PDCD11: variants seen among roughly 807,000 people sequenced by gnomAD.
PDCD11 encodes protein RRP5 homolog.
A neutral mutation model predicts 198.9 loss-of-function variants in PDCD11; 97 were observed. That is an observed-to-expected ratio of 0.49 (90% confidence interval 0.41 to 0.58). PDCD11 has a LOEUF of 0.58. Among genes scored for constraint, PDCD11 ranks in the 20% least tolerant of loss-of-function variants. PDCD11 has a pLI of 0.00. For missense variants in PDCD11, 2,102 were observed against 2,312.7 expected (o/e 0.91, Z 1.87); for synonymous variants, 893 against 918.0 (o/e 0.97, Z 0.49).
intron 25 of PDCD11, among the ~76,000 whole-genome samples, chr10:103,435,879 T>G (rs1195164296): frequency 6.6e-6 from 1 of 152,188 alleles, no homozygotes; most frequent in East Asian, 1.9e-4. Context: ...GTGAAATTGA[T>G]GGGTTACATA....
rs370653392 is a variant in PDCD11 at position 103,414,071 on chromosome 10, G to A, written c.1291G>A (p.Ala431Thr). The A allele has an allele frequency of 6.2e-7, 1 of 1,612,774 alleles. No homozygotes were observed. Among genetic ancestry groups the A allele is most frequent in the African/African-American group, 1.3e-5 (1 of 75,004 alleles). ...IIDYSQMDEL[A>T]LLSLRTSIIE... ...TGACTACAGCCAAATGGATGAACTGGCCTTGCTCTCTCTACGAACGTAAGT... is the reference window on the plus strand; with the variant it reads ...TGACTACAGCCAAATGGATGAACTGACCTTGCTCTCTCTACGAACGTAAGT... Residue 431 changes from alanine (A) to threonine (T), a missense_variant, in exon 10 of 36, where the codon GCC (alanine) becomes ACC (threonine). Transcript: ENST00000369797.
intron 8 of PDCD11, among the ~76,000 whole-genome samples, chr10:103,412,471 C>T (rs1209422284): frequency 6.6e-6 from 1 of 152,114 alleles, no homozygotes; most frequent in African/African-American, 2.4e-5. Flanking sequence ...CAGGTGTGTG[C>T]CACCACACCC....
rs761886866 is a variant in PDCD11, at chr10:103,443,353, A to AC, written c.5124+21dup. The AC allele has an allele frequency of 5.0e-6, 8 of 1,587,054 alleles. No homozygotes were observed. In the Middle Eastern group the frequency reaches 5.0e-4, roughly 100 times the overall value. ...TTCCAGGTAGGAGGTTGGGCCACAG[A>AC]CGAACTCCTGGGAGTTCCAGGGCCA... is the stretch of plus-strand genomic sequence containing the variant. On this transcript the variant is annotated intron_variant, in intron 33 of 35. Coordinates refer to ENST00000369797, the MANE Select transcript of PDCD11 (RefSeq NM_014976.2).
intron 26 of PDCD11, among the ~76,000 whole-genome samples, 154 bp from the exon 27 acceptor site, chr10:103,438,532 T>A (rs2032246495): frequency 6.6e-6 from 1 of 152,148 alleles, no homozygotes; most frequent in Admixed American, 6.5e-5. Context: ...GGCAAGATGT[T>A]AGGAGAGAGT....
intron 16 of PDCD11, among the ~76,000 whole-genome samples, chr10:103,420,897 A>G (rs1333872224): frequency 1.4e-5 from 2 of 145,768 alleles, no homozygotes; most frequent in Non-Finnish European, 3.0e-5. Context: ...TTTTTTTGAG[A>G]TGGAGTCTCA....
chr10:103,418,214 G>A lies in PDCD11; in HGVS notation c.1912-226G>A, dbSNP rs567942166. Among the ~76,000 whole-genome samples, 9 of 152,272 alleles carry A rather than the reference G, an allele frequency of 5.9e-5. No homozygotes were observed. In the East Asian group the frequency reaches 9.7e-4, roughly 16 times the overall value. ...GCAGTTCTGGCTTTCCTGGGGCTCC[G>A]TGGAGGGACTTGAGAGAGGAGTGCG... On this transcript the variant is annotated intron_variant, in intron 14 of 35. Transcript: ENST00000369797.
In PDCD11 at chr10:103,416,626, G is replaced by T. The variant is rs983102348; in HGVS notation, c.1654G>T (p.Val552Phe). The T allele has an allele frequency of 6.2e-7, 1 of 1,614,196 alleles. No homozygotes were observed. Among genetic ancestry groups the T allele is most frequent in the East Asian group, 2.2e-5 (1 of 44,890 alleles). Reference protein sequence around the residue: ...GLQTHGFIIRVKDYGCIVKFY... With the variant: ...GLQTHGFIIRFKDYGCIVKFY... ...GCAGACACATGGCTTCATCATCAGG[G>T]TCAAGGACTATGGCTGCATTGTGAA... The change falls in exon 13 of 36, where the codon GTC becomes TTC. Residue 552 changes from valine to phenylalanine, a missense_variant. Coordinates refer to ENST00000369797, the MANE Select transcript of PDCD11 (RefSeq NM_014976.2).
chr10:103,411,075 TAAA>T (rs775346957), intron 8 of PDCD11, among the ~76,000 whole-genome samples: 4 of 135,292 alleles, frequency 3.0e-5, no homozygotes, highest in African/African-American at 5.4e-5. Context: ...ACTCTGTCTT[TAAA>T]AAAAAAAAAA....
chr10:103,432,073 A>G, intron 21 of PDCD11, 56 bp from the exon 22 acceptor site: 1 of 1,351,646 alleles, frequency 7.4e-7, no homozygotes, highest in South Asian at 1.2e-5. Context: ...ATGGTTTCAA[A>G]CTGGAAGTCT....
At chr10:103,413,372 C>G (rs1269427819) in intron 9 of PDCD11, 50 bp downstream of exon 9, 9 of 1,478,912 alleles carry the variant, frequency 6.1e-6, no homozygotes, top group Non-Finnish European at 8.5e-6. Context: ...GGAAGGACTT[C>G]TGGAGCACAG....
intron 4 of PDCD11, among the ~76,000 whole-genome samples, chr10:103,404,150 A>G (rs549390967): frequency 1.3e-5 from 2 of 151,788 alleles, no homozygotes; most frequent in Non-Finnish European, 2.9e-5. Context: ...CACCACACCC[A>G]GCTAATTTTT....
rs1263017779 is a variant in PDCD11 at position 103,442,064 on chromosome 10, G to T, written c.4707+89G>T. The stretch of plus-strand genomic sequence containing the variant: ...TGTTCCTAGACTGGGTGTCTTCCTG[G>T]GTGAGTGGGGGAGGGGGCAGCGGCC... On this transcript the variant is annotated intron_variant, in intron 31 of 35. Transcript: ENST00000369797. 3.8e-6 allele frequency: 6 copies of T among 1,566,336 alleles called. No homozygotes were observed. The African/African-American group carries it at 8.1e-5, about 21-fold the overall frequency.
chr10:103,427,468 T>C, intron 21 of PDCD11, 77 bp downstream of exon 21: 1 of 1,188,440 alleles, frequency 8.4e-7, no homozygotes. Flanking sequence ...ATTCGAATCT[T>C]GATTTTACCA....
At chr10:103,419,483 G>A in intron 15 of PDCD11, 55 bp from the exon 16 acceptor site, 1 of 1,559,744 alleles carries the variant, frequency 6.4e-7, no homozygotes, top group Non-Finnish European at 8.7e-7. Context: ...GGAGATGGGA[G>A]AGATGGACAT....
At chr10:103,444,124 G>A (rs1592144863) in intron 34 of PDCD11, 56 bp downstream of exon 34, 3 of 1,494,406 alleles carry the variant, frequency 2.0e-6, no homozygotes, top group Non-Finnish European at 1.8e-6. Flanking sequence ...CGGGGAGTAG[G>A]AACTGGCTGT....
At chr10:103,409,931 G>C in intron 8 of PDCD11, 125 bp downstream of exon 8, 1 of 694,000 alleles carries the variant, frequency 1.4e-6, no homozygotes, top group Non-Finnish European at 2.6e-6. Context: ...GGAGATGAGA[G>C]GAATAATGAA....
chr10:103,439,663 C>T, intron 27 of PDCD11, 83 bp from the exon 28 acceptor site: 2 of 1,513,682 alleles, frequency 1.3e-6, no homozygotes, highest in East Asian at 2.3e-5. Context: ...AACTTGAGTC[C>T]CTGTGAGAGT....
chr10:103,401,427 C>T (rs941969950), intron 3 of PDCD11, among the ~76,000 whole-genome samples: 1 of 151,818 alleles, frequency 6.6e-6, no homozygotes. Flanking sequence ...TGTCTCACCA[C>T]GCCTGGCTAA....
intron 25 of PDCD11, among the ~76,000 whole-genome samples, chr10:103,437,383 G>C (rs1458284465): frequency 6.6e-6 from 1 of 152,184 alleles, no homozygotes; most frequent in Non-Finnish European, 1.5e-5. Context: ...GCTTCTAGCA[G>C]TTCTCCTGCC....
Sources: gnomAD v4.1 joint callset for allele counts (sites outside exome capture counted in the v4.1 genomes callset) on GRCh38, gnomAD v4.1.1 for gene constraint, MANE v1.5 for transcripts, NCBI Gene and HGNC (gene_info 2026-07-23, HGNC 2026-07-21) for gene names.